Variants in TPX2 observed in about 807,000 individuals in gnomAD.
TPX2 encodes targeting protein for Xklp2.
TPX2 carries 21 observed loss-of-function variants against 93.6 expected under a neutral mutation model. That is an observed-to-expected ratio of 0.22 (90% CI 0.16 to 0.32). The LOEUF is 0.32. Ranked by LOEUF, TPX2 falls within the 10% of genes least tolerant of loss-of-function variation. TPX2 has a pLI of 1.00. For missense variants in TPX2, 776 were observed against 871.1 expected (o/e 0.89, Z 1.37); for synonymous variants, 281 against 298.3 (o/e 0.94, Z 0.60).
At chr20:31,760,301 C>T in intron 4 of TPX2, 122 bp downstream of exon 4, 1 of 1,251,240 alleles carries the variant, frequency 8.0e-7, no homozygotes. Context: ...GTGAAATGGG[C>T]TAATTCATTT....
Position 31,801,146 on chromosome 20 carries a change from G to A in TPX2, c.*66G>A, listed in dbSNP as rs566214942. On this transcript the variant is annotated 3_prime_UTR_variant, in exon 18 of 18. Coordinates refer to ENST00000300403, the MANE Select transcript of TPX2 (RefSeq NM_012112.5). ...TGCTCTTAACCTCAAACCTAGGACC[G>A]TCTTGCTTTGTCATTGGGCATGGAG... 9.1e-5 allele frequency: 129 copies of A among 1,417,744 alleles called. 1 individual carries two copies. The Admixed American group carries it at 1.9e-3, about 21-fold the overall frequency. The allele number at this position is 1,417,744 out of a possible 1,614,324, so 87.8% of individuals were successfully genotyped here. A position where few individuals can be genotyped will look rare whatever the true frequency, so the allele number is the denominator to read the frequency against.
At chr20:31,771,214 C>T (rs976649277) in intron 6 of TPX2, among the ~76,000 whole-genome samples, 1 of 152,036 alleles carries the variant, frequency 6.6e-6, no homozygotes, top group Non-Finnish European at 1.5e-5. Flanking sequence ...CTGCTCCTCC[C>T]GAAATTGGGG....
intron 13 of TPX2, among the ~76,000 whole-genome samples, chr20:31,793,338 A>G (rs1416482449): frequency 6.6e-6 from 1 of 152,222 alleles, no homozygotes; most frequent in Non-Finnish European, 1.5e-5. Flanking sequence ...CATTTTATCT[A>G]TAAATATCCA....
At chr20:31,788,617 G>A (rs2062082079) in intron 12 of TPX2, among the ~76,000 whole-genome samples, 1 of 152,002 alleles carries the variant, frequency 6.6e-6, no homozygotes, top group Non-Finnish European at 1.5e-5. Flanking sequence ...GTTGATAAGT[G>A]GCAGGGGGAC....
At chr20:31,758,914 G>T (rs988456610) in intron 3 of TPX2, among the ~76,000 whole-genome samples, 1 of 151,934 alleles carries the variant, frequency 6.6e-6, no homozygotes, top group African/African-American at 2.4e-5. Flanking sequence ...GAAAAGAAAA[G>T]ATTAGCCTAA....
chr20:31,761,592 T>C (rs1210232771), intron 4 of TPX2, among the ~76,000 whole-genome samples: 1 of 152,258 alleles, frequency 6.6e-6, no homozygotes, highest in Non-Finnish European at 1.5e-5. Context: ...TTCATTCTTT[T>C]TTATGGCTAA....
chr20:31,777,462 A>T, intron 8 of TPX2, 25 bp from the exon 9 acceptor site: 1 of 1,607,866 alleles, frequency 6.2e-7, no homozygotes, highest in Non-Finnish European at 8.5e-7. Flanking sequence ...TGTTGTCTGT[A>T]TGTTTTACTG....
chr20:31,795,570 T>C (rs569688522), intron 15 of TPX2, among the ~76,000 whole-genome samples: 1 of 152,388 alleles, frequency 6.6e-6, no homozygotes, highest in East Asian at 1.9e-4. Flanking sequence ...CTGCTCCAAG[T>C]GATCACCCGG....
At chr20:31,747,460 G>GTCTATCTA (rs540177871) in intron 2 of TPX2, among the ~76,000 whole-genome samples, 33 of 145,208 alleles carry the variant, frequency 2.3e-4, no homozygotes, top group African/African-American at 7.8e-4. Context: ...CTGTCTGTCT[G>GTCTATCTA]TCTATCTATC....
intron 12 of TPX2, among the ~76,000 whole-genome samples, chr20:31,786,020 C>T (rs1600388166): frequency 6.6e-6 from 1 of 152,290 alleles, no homozygotes; most frequent in East Asian, 1.9e-4. Flanking sequence ...CCACAAATAA[C>T]ACAGCAATAA....
At chr20:31,749,199 G>A (rs1239091886) in intron 2 of TPX2, among the ~76,000 whole-genome samples, 2 of 152,054 alleles carry the variant, frequency 1.3e-5, no homozygotes, top group Non-Finnish European at 2.9e-5. Flanking sequence ...ACCCGCCTCG[G>A]CCTCCCAAAG....
intron 17 of TPX2, among the ~76,000 whole-genome samples, chr20:31,799,434 T>A (rs1809530752): frequency 6.6e-6 from 1 of 152,194 alleles, no homozygotes; most frequent in Non-Finnish European, 1.5e-5. Flanking sequence ...AGAAAGTGGA[T>A]GTTATGTGCT....
At chr20:31,786,504 A>G (rs559249257) in intron 12 of TPX2, among the ~76,000 whole-genome samples, 2 of 151,874 alleles carry the variant, frequency 1.3e-5, no homozygotes, top group African/African-American at 4.8e-5. Context: ...CCCAGGTTCA[A>G]CCAATTCTCA....
intron 12 of TPX2, among the ~76,000 whole-genome samples, chr20:31,790,864 T>C (rs1442188051): frequency 6.6e-6 from 1 of 152,112 alleles, no homozygotes; most frequent in African/African-American, 2.4e-5. Flanking sequence ...CAATTAAGTT[T>C]TGTATGGACT....
intron 2 of TPX2, among the ~76,000 whole-genome samples, chr20:31,744,246 T>C (rs2061771045): frequency 7.4e-6 from 1 of 136,052 alleles, no homozygotes; most frequent in African/African-American, 2.9e-5. Context: ...CAATGCAACC[T>C]CCGCCTCCCA....
intron 5 of TPX2, among the ~76,000 whole-genome samples, chr20:31,767,701 G>A (rs1336747951): frequency 1.3e-5 from 2 of 151,984 alleles, no homozygotes; most frequent in Non-Finnish European, 2.9e-5. Context: ...ACAGGCACAA[G>A]CCACTGTGCT....
chr20:31,755,717 T>C lies in TPX2; in HGVS notation c.-70-1690T>C, dbSNP rs140407722. ...CAGAGGTTGTGGTGAGCTGGGATCA[T>C]GCCACTGCACTCCAGCCTGGGGGAC... On this transcript the variant is annotated intron_variant, in intron 2 of 17. Transcript: ENST00000300403. Among the ~76,000 whole-genome samples, 531 of 151,056 alleles carry C rather than the reference T, an allele frequency of 3.5e-3. 4 individuals are homozygous for C. The highest frequency in any genetic ancestry group is 0.012 in the African/African-American group (503 of 41,094).
rs2062172492 is a variant in TPX2, at chr20:31,801,621, C to CT, written c.*541_*542insT. The CT allele has an allele frequency of 6.6e-6, 1 of 152,420 alleles. No homozygotes were observed. Among genetic ancestry groups the CT allele is most frequent in the South Asian group, 2.1e-4 (1 of 4,836 alleles). 9.4% of individuals were successfully genotyped at this position (152,420 alleles called of 1,614,324 possible). On this transcript the variant is annotated 3_prime_UTR_variant, in exon 18 of 18. Transcript: ENST00000300403. ...TGAGGGTAGAAAACCTCACCAACTG[C>CT]ACCAGTGAGGAAGAAGACTGCGTGG...
chr20:31,783,844 T>C lies in TPX2; in HGVS notation c.1336T>C (p.Ser446Pro). Residue 446 changes from serine to proline, a missense_variant, in exon 12 of 18, where the codon TCA (serine) becomes CCA (proline). Around this residue, in one of 3 missense-constraint regions of TPX2, gnomAD observed 461 missense variants for 551.2 expected, o/e 0.84. Coordinates refer to ENST00000300403, the MANE Select transcript of TPX2 (RefSeq NM_012112.5). Reference sequence around the variant, plus strand: ...TGAGAAAAGAATCCAGGAGCGAGAATCAAAGAAGAAAACAGAGGATGAACA... The same window carrying C: ...TGAGAAAAGAATCCAGGAGCGAGAACCAAAGAAGAAAACAGAGGATGAACA... ...EIEKRIQERE[S>P]KKKTEDEHFE... 6.2e-7 allele frequency: 1 copy of C among 1,608,748 alleles called. No homozygotes were observed. Among genetic ancestry groups the C allele is most frequent in the South Asian group, 1.1e-5 (1 of 89,518 alleles).
Sources: allele counts gnomAD v4.1 joint callset (sites outside exome capture counted in the v4.1 genomes callset), GRCh38; gene constraint gnomAD v4.1.1; regional missense constraint gnomAD v4.1.1; transcripts MANE v1.5; gene names NCBI Gene and HGNC (gene_info 2026-07-23, HGNC 2026-07-21).